The following LGSN variants were observed in gnomAD, a reference collection of about 807,000 sequenced individuals.
LGSN encodes the protein lengsin, lens protein with glutamine synthetase domain.
Under a neutral mutation model 19.5 loss-of-function variants are expected in LGSN, and 21 were observed. The observed-to-expected ratio is 1.07, with a 90% confidence interval of 0.76 to 1.55. The LOEUF is 1.55. Among genes scored for constraint, LGSN ranks in the 40% most tolerant of loss-of-function variants. The pLI, the probability that LGSN is intolerant of heterozygous loss-of-function variation, is 0.00. For synonymous variants in LGSN, 257 were observed against 215.6 expected (o/e 1.19, Z -1.68); for missense variants, 673 against 608.5 (o/e 1.11, Z -1.12).
the LGSN span, among the ~76,000 whole-genome samples, chr6:63,332,338 G>T: frequency 3.9e-5 from 6 of 152,194 alleles, no homozygotes; most frequent in Non-Finnish European, 8.8e-5. Context: ...GAGGAAGTTT[G>T]TCTGGCAGGC....
the LGSN span, among the ~76,000 whole-genome samples, chr6:63,367,910 G>A: frequency 4.6e-5 from 7 of 151,702 alleles, no homozygotes; most frequent in African/African-American, 1.7e-4. Context: ...TTGGACACAG[G>A]GTGGGTAACA....
At chr6:63,326,003 G>A in the LGSN span, among the ~76,000 whole-genome samples, 1 of 152,108 alleles carries the variant, frequency 6.6e-6, no homozygotes, top group East Asian at 1.9e-4. Context: ...GTTTTGACAG[G>A]GCACTGATTG....
At chr6:63,317,603 GAA>G (rs758233107) in intron 1 of LGSN, among the ~76,000 whole-genome samples, 1 of 152,080 alleles carries the variant, frequency 6.6e-6, no homozygotes, top group Non-Finnish European at 1.5e-5. Flanking sequence ...AAAACAAATG[GAA>G]AATACAAAAC....
chr6:63,342,299 A>G, the LGSN span, among the ~76,000 whole-genome samples: 3 of 152,204 alleles, frequency 2.0e-5, no homozygotes, highest in Non-Finnish European at 2.9e-5. Flanking sequence ...CAATTTATAC[A>G]TATTATTTAT....
the LGSN span, among the ~76,000 whole-genome samples, chr6:63,504,548 T>C: frequency 1.3e-5 from 2 of 152,168 alleles, no homozygotes; most frequent in Non-Finnish European, 2.9e-5. Context: ...CCTCAAGTGA[T>C]TCTTGTGCCT....
At chr6:63,326,621 C>A in the LGSN span, among the ~76,000 whole-genome samples, 6 of 152,202 alleles carry the variant, frequency 3.9e-5, no homozygotes, top group Admixed American at 2.6e-4. Flanking sequence ...TAAGGCCCAG[C>A]AAGAAATCGA....
chr6:63,410,311 A>T, the LGSN span, among the ~76,000 whole-genome samples: 1 of 152,104 alleles, frequency 6.6e-6, no homozygotes, highest in Non-Finnish European at 1.5e-5. Context: ...ATTAGTCAAA[A>T]TGTTTTGACT....
At chr6:63,486,584 C>A in the LGSN span, among the ~76,000 whole-genome samples, 1 of 152,118 alleles carries the variant, frequency 6.6e-6, no homozygotes, top group Non-Finnish European at 1.5e-5. Context: ...GCTGCACACA[C>A]AGTGGGTTTG....
chr6:63,542,256 C>A, the LGSN span, among the ~76,000 whole-genome samples: 1 of 151,900 alleles, frequency 6.6e-6, no homozygotes, highest in African/African-American at 2.4e-5. Context: ...ACACAATGGA[C>A]TTTGGGGGAC....
chr6:63,358,151 G>A, the LGSN span, among the ~76,000 whole-genome samples: 4 of 152,162 alleles, frequency 2.6e-5, no homozygotes, highest in African/African-American at 9.7e-5. Flanking sequence ...GTAGATATGT[G>A]GCATTATTTC....
chr6:63,361,049 G>A, the LGSN span, among the ~76,000 whole-genome samples: 58 of 152,352 alleles, frequency 3.8e-4, no homozygotes, highest in African/African-American at 1.3e-3. Flanking sequence ...AGCCATGTGA[G>A]GTGTCAGTCC....
the LGSN span, among the ~76,000 whole-genome samples, chr6:63,414,249 T>A: frequency 0.014 from 2,079 of 148,530 alleles, 53 homozygotes; most frequent in African/African-American, 0.052. Context: ...AAAAAAAAAA[T>A]ATTAGTCTTT....
the LGSN span, among the ~76,000 whole-genome samples, chr6:63,325,658 C>T: frequency 2.9e-3 from 442 of 152,282 alleles, 7 homozygotes; most frequent in Admixed American, 0.021. Flanking sequence ...CGCAGACCCT[C>T]ACGGTGAGTG....
At chr6:63,529,191 G>GTATATATATATGTATATATATGTGTGTA in the LGSN span, among the ~76,000 whole-genome samples, 1 of 141,834 alleles carries the variant, frequency 7.1e-6, no homozygotes, top group Non-Finnish European at 1.5e-5. Context: ...ATATATGTGT[G>GTATATATATATGTATATATATGTGTGTA]TATATATATA....
the LGSN span, among the ~76,000 whole-genome samples, chr6:63,503,900 G>T: frequency 2.0e-5 from 3 of 152,128 alleles, no homozygotes; most frequent in Non-Finnish European, 4.4e-5. Flanking sequence ...TGGACAACCA[G>T]AGTGAGACCC....
At chr6:63,458,327 A>G in the LGSN span, among the ~76,000 whole-genome samples, 1 of 152,132 alleles carries the variant, frequency 6.6e-6, no homozygotes, top group Non-Finnish European at 1.5e-5. Flanking sequence ...TCGGCCTCCC[A>G]AAGTGCTGGA....
At chr6:63,342,008 T>C in the LGSN span, among the ~76,000 whole-genome samples, 1 of 152,218 alleles carries the variant, frequency 6.6e-6, no homozygotes, top group African/African-American at 2.4e-5. Flanking sequence ...TTAGAGCTGG[T>C]AGCAGTGACT....
the LGSN span, among the ~76,000 whole-genome samples, chr6:63,523,253 T>TGAA: frequency 6.6e-6 from 1 of 152,128 alleles, no homozygotes; most frequent in Non-Finnish European, 1.5e-5. Context: ...TATTTCACTA[T>TGAA]TATGTACTTT....
chr6:63,280,681 T>C lies in LGSN; in HGVS notation c.870A>G (p.Lys290=), dbSNP rs759819561. ...TGTAATTATATTTCCTTGCCACTTC[T>C]TTGACACCTGTTCTGAGGGTAAATG... ...DNAFTLRTGV[K]EVARKYNYIA... is the part of the protein sequence containing the mutation. The change falls in exon 4 of 4, where the codon AAA becomes AAG. Residue 290 remains lysine (K), a synonymous_variant. Transcript: ENST00000370657. The C allele has an allele frequency of 1.9e-6, 3 of 1,614,022 alleles. No homozygotes were observed. Among genetic ancestry groups the C allele is most frequent in the Non-Finnish European group, 1.7e-6 (2 of 1,180,038 alleles).
Sources: gnomAD v4.1 joint callset for allele counts (sites outside exome capture counted in the v4.1 genomes callset) on GRCh38, gnomAD v4.1.1 for gene constraint, MANE v1.5 for transcripts, NCBI Gene and HGNC (gene_info 2026-07-23, HGNC 2026-07-21) for gene names.